Variants in SPATA6L observed in about 807,000 individuals in gnomAD.
The protein encoded by SPATA6L is spermatogenesis associated 6-like protein.
Under a neutral mutation model 49.2 loss-of-function variants are expected in SPATA6L, and 68 were observed. That is an observed-to-expected ratio of 1.38 (90% CI 1.14 to 1.69). The LOEUF is 1.69. SPATA6L is among the 40% of genes most tolerant of loss of function. SPATA6L has a pLI of 0.00. For synonymous variants in SPATA6L, 198 were observed against 165.7 expected (o/e 1.19, Z -1.50); for missense variants, 668 against 464.3 (o/e 1.44, Z -4.03).
chr9:4,608,694 G>C (rs1228197401), intron 9 of SPATA6L, among the ~76,000 whole-genome samples: 2 of 150,084 alleles, frequency 1.3e-5, no homozygotes, highest in Admixed American at 6.6e-5. Flanking sequence ...GAGAAAGCAG[G>C]AAAGATCCAA....
At chr9:4,629,769 G>GTATATATATATATATATATATA (rs35908661) in intron 4 of SPATA6L, among the ~76,000 whole-genome samples, 11 of 101,918 alleles carry the variant, frequency 1.1e-4, no homozygotes, top group African/African-American at 2.0e-4. Context: ...GTGTGTGTGT[G>GTATATATATATATATATATATA]TATATATATA....
chr9:4,648,725 A>AATAAATAAATAAATAAATAAATAC (rs1564294446), intron 3 of SPATA6L, among the ~76,000 whole-genome samples: 5 of 51,092 alleles, frequency 9.8e-5, no homozygotes, highest in African/African-American at 2.0e-4. Flanking sequence ...TAAATAAATA[A>AATAAATAAATAAATAAATAAATAC]ATACATAAGT....
intron 3 of SPATA6L, among the ~76,000 whole-genome samples, chr9:4,639,592 C>G (rs574501640): frequency 6.6e-6 from 1 of 152,278 alleles, no homozygotes; most frequent in East Asian, 1.9e-4. Context: ...GATGGTACAG[C>G]AAGAGCCTAG....
intron 3 of SPATA6L, among the ~76,000 whole-genome samples, chr9:4,646,963 T>C (rs1835522290): frequency 6.6e-6 from 1 of 152,008 alleles, no homozygotes; most frequent in South Asian, 2.1e-4. Context: ...AAAATAACTA[T>C]TGGATACTAG....
intron 3 of SPATA6L, chr9:4,646,450 T>G (rs1274848848): frequency 7.0e-7 from 1 of 1,437,404 alleles, no homozygotes; most frequent in African/African-American, 1.4e-5. Flanking sequence ...TAAAATCATA[T>G]TAAGCTAATT....
chr9:4,610,937 A>C (rs1331380972), intron 9 of SPATA6L, among the ~76,000 whole-genome samples: 13 of 145,086 alleles, frequency 9.0e-5, no homozygotes, highest in African/African-American at 3.1e-4. Context: ...CAATGAACTC[A>C]AACAAATTTA....
chr9:4,620,642 A>G (rs1045450436), intron 7 of SPATA6L, among the ~76,000 whole-genome samples: 2 of 152,228 alleles, frequency 1.3e-5, no homozygotes, highest in African/African-American at 4.8e-5. Flanking sequence ...CTGAGCCCAG[A>G]GGTCTGAATG....
intron 11 of SPATA6L, among the ~76,000 whole-genome samples, chr9:4,601,301 C>T (rs75216989): frequency 0.042 from 6,379 of 151,374 alleles, 205 homozygotes; most frequent in Non-Finnish European, 0.057. Context: ...CACTGGGGGC[C>T]GGGATTTCAC....
In SPATA6L at chr9:4,625,418, C is replaced by T. The variant is rs775750669; in HGVS notation, c.578G>A (p.Arg193Lys). The T allele has an allele frequency of 9.9e-6, 16 of 1,613,922 alleles. No homozygotes were observed. Among genetic ancestry groups the T allele is most frequent in the Non-Finnish European group, 1.4e-5 (16 of 1,180,012 alleles). ...QARAPSQYST[R>K]HFFQDQPAQL... ...AGCTGGCTGGTCCTGGAAGAAATGC[C>T]TGGTAGAATATTGAGAGGGCGCCCG... is the stretch of plus-strand genomic sequence containing the variant. The change falls in exon 6 of 12, where the codon AGG (arginine) becomes AAG (lysine). Residue 193 changes from arginine to lysine, a missense_variant. Physicochemically the swap from Arg to Lys is conservative, Grantham distance 26 (BLOSUM62 2). Transcript: ENST00000682582.
At chr9:4,605,296 G>T in intron 10 of SPATA6L, 51 bp downstream of exon 10, 1 of 1,407,464 alleles carries the variant, frequency 7.1e-7, no homozygotes, top group Non-Finnish European at 1.0e-6. Flanking sequence ...GTAGGTCCCT[G>T]TTCACATATT....
chr9:4,604,479 C>A (rs572828164), intron 10 of SPATA6L, among the ~76,000 whole-genome samples: 1 of 152,182 alleles, frequency 6.6e-6, no homozygotes, highest in African/African-American at 2.4e-5. Flanking sequence ...ACCTCCTGGC[C>A]TCAAGGGATT....
In SPATA6L at chr9:4,602,141, T is replaced by C. The variant is rs3780409; in HGVS notation, c.*2-1332A>G. 2.9e-5 allele frequency among the ~76,000 whole-genome samples: 3 copies of C among 105,170 alleles called. No individual in the cohort carries two copies. In the South Asian group the frequency reaches 9.2e-4, roughly 32 times the overall value. 69.0% of individuals were successfully genotyped at this position (105,170 alleles called of 152,430 possible). ...CTATTTTCCAAGAAAGAATTGACGT[T>C]TTTTTTTTTTCTTTTCTTACCTTCT... On this transcript the variant is annotated intron_variant, in intron 11 of 11. Transcript: ENST00000682582.
rs1822530714 is a variant in SPATA6L at position 4,598,578 on chromosome 9, T to A, written c.*2233A>T. On this transcript the variant is annotated 3_prime_UTR_variant, in exon 12 of 12. Transcript: ENST00000682582. ...TGTGAAAACCAAAAATGACTTTAAA[T>A]AAGAATGGGCATTTAAGATCTTATT... is the stretch of plus-strand genomic sequence containing the variant. 6.6e-6 allele frequency among the ~76,000 whole-genome samples: 1 copy of A among 152,178 alleles called. No individual in the cohort carries two copies. Among genetic ancestry groups the A allele is most frequent in the African/African-American group, 2.4e-5 (1 of 41,446 alleles).
intron 3 of SPATA6L, among the ~76,000 whole-genome samples, chr9:4,638,510 G>A (rs1209204801): frequency 1.3e-5 from 2 of 152,166 alleles, no homozygotes. Context: ...ACCACGCCCA[G>A]CCAATGGGTG....
chr9:4,661,812 C>G, intron 2 of SPATA6L, 87 bp downstream of exon 2: 1 of 1,471,306 alleles, frequency 6.8e-7, no homozygotes, highest in East Asian at 2.5e-5. Flanking sequence ...ATGAAATTTA[C>G]CAAATAATGC....
At chr9:4,628,459 T>C (rs1298535294) in intron 5 of SPATA6L, 5 of 152,194 alleles carry the variant, frequency 3.3e-5, no homozygotes, top group Non-Finnish European at 7.3e-5. Context: ...TCATTATTTT[T>C]TTCTGAGATG....
At chr9:4,644,680 CT>C (rs1397224034) in intron 3 of SPATA6L, among the ~76,000 whole-genome samples, 54 of 131,938 alleles carry the variant, frequency 4.1e-4, no homozygotes, top group African/African-American at 1.8e-3. Flanking sequence ...CTCTCTCTCT[CT>C]CTCTCACACA....
Position 4,599,901 on chromosome 9 carries a change from T to C in SPATA6L, c.*910A>G, listed in dbSNP as rs7039966. On this transcript the variant is annotated 3_prime_UTR_variant, in exon 12 of 12. Transcript: ENST00000682582. ...ACACTATGAAGGAGGGAAATAAGTT[T>C]CCATTTTCAGGCCCCTCTTCTCTGG... is the stretch of plus-strand genomic sequence containing the variant. Among the ~76,000 whole-genome samples, 107,227 of 152,008 alleles carry C rather than the reference T, an allele frequency of 0.71. 38,450 individuals are homozygous for C. Among genetic ancestry groups the C allele is most frequent in the Middle Eastern group, 0.81 (237 of 292 alleles).
Position 4,605,351 on chromosome 9 carries a change from T to C in SPATA6L, c.1085A>G (p.Asn362Ser), listed in dbSNP as rs1033569618. ...LTSHRAQLHQ[N>S]KEDSTSEVNY... ...AGTTTTATAAGAAAGTCTAACCTTG[T>C]TTTGGTGCAGCTGTGCTCTGTGGGA... is the stretch of plus-strand genomic sequence containing the variant. Residue 362 changes from asparagine to serine, a missense_variant, in exon 10 of 12, where the codon AAC becomes AGC. Coordinates refer to ENST00000682582, the MANE Select transcript of SPATA6L (RefSeq NM_001353486.2). 6.2e-7 allele frequency: 1 copy of C among 1,612,722 alleles called. No homozygotes were observed. The highest frequency in any genetic ancestry group is 1.3e-5 in the African/African-American group (1 of 74,966).
Sources: allele counts gnomAD v4.1 joint callset (sites outside exome capture counted in the v4.1 genomes callset), GRCh38; gene constraint gnomAD v4.1.1; transcripts MANE v1.5; gene names NCBI Gene and HGNC (gene_info 2026-07-23, HGNC 2026-07-21).